ZNF383: variants seen among roughly 807,000 people sequenced by gnomAD.
ZNF383 encodes the protein zinc finger protein 383.
A neutral mutation model predicts 44.2 loss-of-function variants in ZNF383; 32 were observed. The observed-to-expected ratio is 0.72, with a 90% CI of 0.55 to 0.97. ZNF383 has a LOEUF of 0.97. Among genes scored for constraint, ZNF383 ranks in the 50% least tolerant of loss-of-function variants. ZNF383 has a pLI of 0.00. For missense variants in ZNF383, 487 were observed against 562.5 expected, an observed-to-expected ratio of 0.87 and a Z score of 1.36; for synonymous variants, 155 against 186.2, an observed-to-expected ratio of 0.83 and a Z score of 1.36.
At position 37,235,642 on chromosome 19, in the gene ZNF383, A is replaced by G; in HGVS notation, c.103A>G (p.Met35Val). 6.2e-7 allele frequency: 1 copy of G among 1,612,772 alleles called. No individual in the cohort carries two copies. Among genetic ancestry groups the G allele is most frequent in the Non-Finnish European group, 8.5e-7 (1 of 1,179,514 alleles). The change falls in exon 4 of 6, where the codon ATG becomes GTG. Residue 35 changes from methionine to valine, a missense_variant. By Grantham distance (21) the Met-to-Val change is conservative. Transcript: ENST00000684119. ...PVQRDLYRDV[M>V]LENYGNLVSM... Reference sequence around the variant, plus strand: ...TCAGAGGGACTTATACAGAGATGTGATGTTGGAGAACTACGGCAATCTGGT... The same window carrying G: ...TCAGAGGGACTTATACAGAGATGTGGTGTTGGAGAACTACGGCAATCTGGT...
In ZNF383 at chr19:37,243,139, A is replaced by T. The variant is rs773040169; in HGVS notation, c.903A>T (p.Ala301=). Residue 301 remains alanine (A), a synonymous_variant, in exon 6 of 6, where the codon GCA becomes GCT. Transcript: ENST00000684119. ...AGAGCTCACAACTTTTTCAGCATGCACGAATTCATACAGGTGAGAAACCCT... is the reference window on the plus strand; with the variant it reads ...AGAGCTCACAACTTTTTCAGCATGCTCGAATTCATACAGGTGAGAAACCCT... The part of the protein sequence containing the change: ...FTKSSQLFQH[A]RIHTGEKPYE... The T allele has an allele frequency of 6.2e-6, 10 of 1,614,084 alleles. No homozygotes were observed. The highest frequency in any genetic ancestry group is 8.5e-6 in the Non-Finnish European group (10 of 1,179,988).
At chr19:37,239,622 C>T (rs1973981329) in intron 5 of ZNF383, among the ~76,000 whole-genome samples, 1 of 152,104 alleles carries the variant, frequency 6.6e-6, no homozygotes. Flanking sequence ...AGGCAGGAGC[C>T]ACAGCATTCA....
Position 37,248,660 on chromosome 19 carries a change from A to G in ZNF383, c.*4996A>G, listed in dbSNP as rs1456657773. The stretch of plus-strand genomic sequence containing the variant: ...TGAAAATATATGCTCTAACCTCAAC[A>G]TCTTCTAGATGAACCCTTTTTTCTA... On this transcript the variant is annotated 3_prime_UTR_variant, in exon 6 of 6. Coordinates refer to ENST00000684119, the MANE Select transcript of ZNF383 (RefSeq NM_001387601.1). The G allele has an allele frequency of 2.0e-5, 3 of 152,254 alleles. No homozygotes were observed. The highest frequency in any genetic ancestry group is 2.9e-5 in the Non-Finnish European group (2 of 68,038). 9.4% of individuals were successfully genotyped at this position (152,254 alleles called of 1,614,324 possible).
At chr19:37,233,401 G>C (rs1973601890) in intron 3 of ZNF383, among the ~76,000 whole-genome samples, 1 of 151,104 alleles carries the variant, frequency 6.6e-6, no homozygotes, top group Non-Finnish European at 1.5e-5. Flanking sequence ...AAAGTTCTGG[G>C]ATTACAGGCG....
chr19:37,240,839 AC>A (rs1974048947), intron 5 of ZNF383, among the ~76,000 whole-genome samples: 1 of 151,986 alleles, frequency 6.6e-6, no homozygotes. Flanking sequence ...ATGGAGTCTC[AC>A]TCTGTCACCC....
In ZNF383 at chr19:37,218,285, G is replaced by A. The variant is rs1226124175; in HGVS notation, c.-168+11G>A. On this transcript the variant is annotated intron_variant, in intron 1 of 5. Transcript: ENST00000684119. ...GGCTGGGGCCCGCAGGTACGTGCAT[G>A]GGAGTTTGAAGGGACTGACCAGGCT... 1 of 152,604 alleles carries A rather than the reference G, an allele frequency of 6.6e-6. No individual in the cohort carries two copies. The highest frequency in any genetic ancestry group is 1.5e-5 in the Non-Finnish European group (1 of 68,354). The allele number at this position is 152,604 out of a possible 1,614,324, so 9.5% of individuals were successfully genotyped here.
At chr19:37,242,430 A>C in intron 5 of ZNF383, 39 bp from the exon 6 acceptor site, 1 of 1,380,892 alleles carries the variant, frequency 7.2e-7, no homozygotes, top group Non-Finnish European at 1.0e-6. Flanking sequence ...TTTTTCACAA[A>C]TAGGAAAAAA....
chr19:37,224,587 C>G (rs1973070676), intron 1 of ZNF383, among the ~76,000 whole-genome samples: 1 of 152,024 alleles, frequency 6.6e-6, no homozygotes, highest in Non-Finnish European at 1.5e-5. Flanking sequence ...GCCTCTCACT[C>G]TGTCACCCAG....
In ZNF383 at chr19:37,245,871, A is replaced by G. The variant is rs1285642423; in HGVS notation, c.*2207A>G. The G allele has an allele frequency of 1.3e-5, 2 of 151,872 alleles. No individual in the cohort carries two copies. Among genetic ancestry groups the G allele is most frequent in the East Asian group, 3.9e-4 (2 of 5,174 alleles). 9.4% of individuals were successfully genotyped at this position (151,872 alleles called of 1,614,324 possible). On this transcript the variant is annotated 3_prime_UTR_variant, in exon 6 of 6. Coordinates refer to ENST00000684119, the MANE Select transcript of ZNF383 (RefSeq NM_001387601.1). ...GAGGGCAGTGGTGCAATCTCGGCTCACTGCAACCTCTGCCTCCCGAGTTCA... is the reference window on the plus strand; with the variant it reads ...GAGGGCAGTGGTGCAATCTCGGCTCGCTGCAACCTCTGCCTCCCGAGTTCA...
chr19:37,241,227 C>T (rs905897213), intron 5 of ZNF383, among the ~76,000 whole-genome samples: 4 of 152,184 alleles, frequency 2.6e-5, no homozygotes, highest in Non-Finnish European at 1.5e-5. Context: ...TCACAGTCTT[C>T]CATAGTACTG....
chr19:37,229,378 C>T (rs930126953), intron 2 of ZNF383, among the ~76,000 whole-genome samples: 5 of 148,316 alleles, frequency 3.4e-5, no homozygotes, highest in African/African-American at 7.4e-5. Context: ...AGGCTGGTCT[C>T]GAACTCCCGA....
chr19:37,229,147 A>ATTT (rs774901192), intron 2 of ZNF383, among the ~76,000 whole-genome samples: 75 of 116,848 alleles, frequency 6.4e-4, no homozygotes, highest in African/African-American at 1.5e-3. Context: ...AAAAGGTTGA[A>ATTT]TTTTTTTTTT....
chr19:37,237,481 G>A (rs1040732752), intron 5 of ZNF383, among the ~76,000 whole-genome samples: 3 of 152,166 alleles, frequency 2.0e-5, no homozygotes, highest in Admixed American at 1.3e-4. Context: ...GCACTACTAT[G>A]TACCAAGCAT....
Position 37,246,250 on chromosome 19 carries a change from TATACTC to T in ZNF383, c.*2589_*2594del, listed in dbSNP as rs1418809971. On this transcript the variant is annotated 3_prime_UTR_variant, in exon 6 of 6. Coordinates refer to ENST00000684119, the MANE Select transcript of ZNF383 (RefSeq NM_001387601.1). ...AAAAGTTTTCCACTATTATCAGTGA[TATACTC>T]ATTATCATAAGTATCTTCATTAGGA... 2.0e-5 allele frequency: 3 copies of T among 152,218 alleles called. No individual in the cohort carries two copies. Among genetic ancestry groups the T allele is most frequent in the African/African-American group, 4.8e-5 (2 of 41,446 alleles). 9.4% of individuals were successfully genotyped at this position (152,218 alleles called of 1,614,324 possible).
Position 37,242,728 on chromosome 19 carries a change from T to G in ZNF383, c.492T>G (p.Asn164Lys). ...TCCTTACTCTCCATCAAATAATTAATAATGAAGACAGACCCTATGAATGTA... is the reference window on the plus strand; with the variant it reads ...TCCTTACTCTCCATCAAATAATTAAGAATGAAGACAGACCCTATGAATGTA... ...QTFLTLHQII[N>K]NEDRPYECKK... Residue 164 changes from asparagine (N) to lysine (K), a missense_variant, in exon 6 of 6, where the codon AAT becomes AAG. Asn to Lys is a moderately conservative substitution (Grantham distance 94). Coordinates refer to ENST00000684119, the MANE Select transcript of ZNF383 (RefSeq NM_001387601.1). The G allele has an allele frequency of 6.2e-7, 1 of 1,614,110 alleles. No individual in the cohort carries two copies. The highest frequency in any genetic ancestry group is 8.5e-7 in the Non-Finnish European group (1 of 1,179,986).
At chr19:37,221,941 G>A (rs1357012261) in intron 1 of ZNF383, among the ~76,000 whole-genome samples, 1 of 142,164 alleles carries the variant, frequency 7.0e-6, no homozygotes, top group African/African-American at 2.7e-5. Flanking sequence ...GGCCGACAGA[G>A]CGAGACTCTG....
chr19:37,230,442 A>G lies in ZNF383; in HGVS notation c.-12A>G, dbSNP rs757948839. On this transcript the variant is annotated 5_prime_UTR_variant, in exon 3 of 6. Coordinates refer to ENST00000684119, the MANE Select transcript of ZNF383 (RefSeq NM_001387601.1). Reference sequence around the variant, plus strand: ...CCTCAAGGAAGACTAACCATCTGCAATACTAGAAGCCATGGCTGAGGTGAG... The same window carrying G: ...CCTCAAGGAAGACTAACCATCTGCAGTACTAGAAGCCATGGCTGAGGTGAG... 2 of 1,613,540 alleles carry G rather than the reference A, an allele frequency of 1.2e-6. No individual in the cohort carries two copies. The highest frequency in any genetic ancestry group is 1.7e-6 in the Non-Finnish European group (2 of 1,179,738).
At chr19:37,235,368 A>G (rs1973734607) in intron 3 of ZNF383, among the ~76,000 whole-genome samples, 181 bp from the exon 4 acceptor site, 1 of 152,144 alleles carries the variant, frequency 6.6e-6, no homozygotes, top group African/African-American at 2.4e-5. Context: ...TTCAATGGAC[A>G]GAGTCAGGAA....
intron 2 of ZNF383, chr19:37,226,432 A>G (rs746575039): frequency 6.6e-6 from 1 of 152,162 alleles, no homozygotes; most frequent in Non-Finnish European, 1.5e-5. Flanking sequence ...AATGACATTT[A>G]TCTCCATTAT....
Sources: gnomAD v4.1 joint callset for allele counts (sites outside exome capture counted in the v4.1 genomes callset) on GRCh38, gnomAD v4.1.1 for gene constraint, MANE v1.5 for transcripts, NCBI Gene and HGNC (gene_info 2026-07-23, HGNC 2026-07-21) for gene names.